TMC4: variants seen among roughly 807,000 people sequenced by gnomAD.
The protein encoded by TMC4 is voltage-gated chloride channel TMC4.
Under a neutral mutation model 82.0 loss-of-function variants are expected in TMC4, and 70 were observed. The ratio of observed to expected loss-of-function variants is 0.85; its 90% CI spans 0.70 to 1.04. The LOEUF (loss-of-function observed/expected upper bound fraction) is 1.04. TMC4 is among the 50% of genes least tolerant of loss of function. The pLI is 0.00. For synonymous variants in TMC4, 446 were observed against 406.0 expected, an observed-to-expected ratio of 1.10 and a Z score of -1.18; for missense variants, 879 against 899.0, an observed-to-expected ratio of 0.98 and a Z score of 0.28.
chr19:54,170,794 A>T (rs1221136080), intron 2 of TMC4, among the ~76,000 whole-genome samples: 1 of 152,132 alleles, frequency 6.6e-6, no homozygotes, highest in Admixed American at 6.5e-5. Flanking sequence ...CACGACACCC[A>T]GCCCTCCAAT....
At position 54,171,083 on chromosome 19, in the gene TMC4, G is replaced by A. The variant is rs570495609; in HGVS notation, c.293+787C>T. Among the ~76,000 whole-genome samples, 6 of 36,388 alleles carry A rather than the reference G, an allele frequency of 1.6e-4. No homozygotes were observed. The South Asian group carries it at 3.4e-3, about 21-fold the overall frequency. 23.9% of individuals were successfully genotyped at this position (36,388 alleles called of 152,430 possible). ...TACACATATATATACATATATATGT[G>A]TATATATATACACACATATGCATAT... On this transcript the variant is annotated intron_variant, in intron 2 of 14. Coordinates refer to ENST00000619895, the MANE Select transcript of TMC4 (RefSeq NM_144686.4).
At chr19:54,164,074 A>G (rs945031658) in intron 7 of TMC4, among the ~76,000 whole-genome samples, 187 bp from the exon 8 acceptor site, 3 of 149,352 alleles carry the variant, frequency 2.0e-5, no homozygotes, top group African/African-American at 7.4e-5. Context: ...TCCCGGGTTC[A>G]AGTGATTCTC....
At position 54,168,784 on chromosome 19, in the gene TMC4, T is replaced by C. The variant is rs1297049512; in HGVS notation, c.443-104A>G. ...AGCCGCGCCTTCCTTTCTTTCTTTC[T>C]TTTCTTTTCTTTCTTTTCTTTTCTT... On this transcript the variant is annotated intron_variant, in intron 3 of 14. Coordinates refer to ENST00000619895, the MANE Select transcript of TMC4 (RefSeq NM_144686.4). 36 of 251,056 alleles carry C rather than the reference T, an allele frequency of 1.4e-4. 3 individuals are homozygous for C. Among genetic ancestry groups the C allele is most frequent in the South Asian group, 2.2e-4 (2 of 9,022 alleles). The allele number at this position is 251,056 out of a possible 1,614,324, so 15.6% of individuals were successfully genotyped here. A position where few individuals can be genotyped will look rare whatever the true frequency, so the allele number is the denominator to read the frequency against.
At chr19:54,167,928 T>A (rs2075744308) in intron 5 of TMC4, among the ~76,000 whole-genome samples, 1 of 151,316 alleles carries the variant, frequency 6.6e-6, no homozygotes, top group Non-Finnish European at 1.5e-5. Flanking sequence ...CTGGGCGTGG[T>A]GGCGGGCGCC....
Position 54,169,641 on chromosome 19 carries a change from C to A in TMC4, c.313G>T (p.Asp105Tyr). 1 of 1,613,844 alleles carries A rather than the reference C, an allele frequency of 6.2e-7. No homozygotes were observed. Among genetic ancestry groups the A allele is most frequent in the Non-Finnish European group, 8.5e-7 (1 of 1,179,970 alleles). ...GTTCCAGAGCCATAGACCACCTGGT[C>A]CCTGCTGGCATTTCTTTGCCTGGGA... Reference protein sequence around the residue: ...RAHRQRNASRDQVVYGSGTKT... With the variant: ...RAHRQRNASRYQVVYGSGTKT... The change falls in exon 3 of 15, where the codon GAC becomes TAC. Residue 105 changes from aspartate (D) to tyrosine (Y), a missense_variant. Asp to Tyr is a radical substitution (Grantham distance 160). Transcript: ENST00000619895.
intron 1 of TMC4, 56 bp downstream of exon 1, chr19:54,172,983 G>A (rs112798904): frequency 6.7e-7 from 1 of 1,500,734 alleles, no homozygotes; most frequent in Non-Finnish European, 9.1e-7. Flanking sequence ...CCTCCAGCAG[G>A]ACTCCCACCT....
intron 1 of TMC4, chr19:54,172,773 A>T: frequency 2.5e-6 from 1 of 406,824 alleles, no homozygotes; most frequent in East Asian, 4.6e-5. Flanking sequence ...GAGTGTGGGA[A>T]CCCAGCCTCT....
intron 1 of TMC4, 50 bp from the exon 2 acceptor site, chr19:54,172,133 C>T: frequency 6.9e-7 from 1 of 1,457,006 alleles, no homozygotes; most frequent in East Asian, 2.7e-5. Context: ...GGCCCTAATT[C>T]CTCCTCCCTC....
chr19:54,164,398 G>C (rs1429910438), intron 7 of TMC4, 36 bp downstream of exon 7: 4 of 1,577,270 alleles, frequency 2.5e-6, no homozygotes, highest in Non-Finnish European at 3.5e-6. Context: ...GTAGGTTCCA[G>C]GACCCCCTGG....
chr19:54,166,909 C>T (rs1400363054), intron 5 of TMC4, among the ~76,000 whole-genome samples: 1 of 151,524 alleles, frequency 6.6e-6, no homozygotes, highest in Non-Finnish European at 1.5e-5. Context: ...GCTGAGATCG[C>T]ACTACTGCAC....
Position 54,173,125 on chromosome 19 carries a change from G to C in TMC4, c.-8C>G, listed in dbSNP as rs755772042. On this transcript the variant is annotated 5_prime_UTR_variant, in exon 1 of 15. Coordinates refer to ENST00000619895, the MANE Select transcript of TMC4 (RefSeq NM_144686.4). ...GGTCGGGTTTTCTTCCATGGCCCCA[G>C]GCTGGGCTGTCTCTAGTGGCCACCA... 16 of 1,613,342 alleles carry C rather than the reference G, an allele frequency of 9.9e-6. No individual in the cohort carries two copies. Among genetic ancestry groups the C allele is most frequent in the African/African-American group, 1.3e-5 (1 of 74,808 alleles).
chr19:54,160,594 A>G (rs200897049), intron 13 of TMC4, 49 bp from the exon 14 acceptor site: 285 of 1,613,154 alleles, frequency 1.8e-4, no homozygotes, highest in Middle Eastern at 4.9e-4. Flanking sequence ...CTTCCATTAT[A>G]TCCAAACGTC....
chr19:54,168,649 G>A lies in TMC4; in HGVS notation c.474C>T (p.Phe158=). 1 of 1,575,814 alleles carries A rather than the reference G, an allele frequency of 6.3e-7. No homozygotes were observed. Among genetic ancestry groups the A allele is most frequent in the Non-Finnish European group, 8.6e-7 (1 of 1,160,572 alleles). The change falls in exon 4 of 15, where the codon TTC becomes TTT. Residue 158 remains phenylalanine (F), a synonymous_variant. Coordinates refer to ENST00000619895, the MANE Select transcript of TMC4 (RefSeq NM_144686.4). ...GAAGGAGCAGGAAGCGCAGCAGGGAGAAGTAGGACTCCGTGCCGGCGCCAA... is the reference window on the plus strand; with the variant it reads ...GAAGGAGCAGGAAGCGCAGCAGGGAAAAGTAGGACTCCGTGCCGGCGCCAA... ...GQFGAGTESY[F]SLLRFLLLLN... is the part of the protein sequence containing the mutation.
intron 10 of TMC4, 43 bp downstream of exon 10, chr19:54,162,630 C>G (rs368914780): frequency 8.6e-6 from 13 of 1,506,072 alleles, no homozygotes; most frequent in Non-Finnish European, 1.2e-5. Flanking sequence ...GGCACGGCCT[C>G]GTCCTAGAGG....
Position 54,172,645 on chromosome 19 carries a change from G to A in TMC4, c.79+394C>T, listed in dbSNP as rs77486722. The A allele has an allele frequency of 4.6e-3, 1,291 of 279,034 alleles. 37 individuals carry two copies. The East Asian group carries it at 0.054, about 12-fold the overall frequency. The allele number at this position is 279,034 out of a possible 1,614,324, so 17.3% of individuals were successfully genotyped here. ...CTCAGGCCCAGGAGTCCGGGTGCCA[G>A]CCTCTACTTCCCCTGGACCCAGGGG... On this transcript the variant is annotated intron_variant, in intron 1 of 14. Transcript: ENST00000619895.
intron 8 of TMC4, 103 bp downstream of exon 8, chr19:54,163,621 G>A (rs911954222): frequency 1.4e-6 from 2 of 1,380,242 alleles, no homozygotes; most frequent in South Asian, 2.3e-5. Context: ...TGAATCCCTG[G>A]ATTCGGTATC....
At chr19:54,170,121 A>G (rs2075848918) in intron 2 of TMC4, among the ~76,000 whole-genome samples, 1 of 152,040 alleles carries the variant, frequency 6.6e-6, no homozygotes, top group Admixed American at 6.6e-5. Context: ...GAAAGAAAAG[A>G]AAGAAACCTA....
chr19:54,165,976 G>T (rs539492872), intron 5 of TMC4, among the ~76,000 whole-genome samples: 10 of 152,200 alleles, frequency 6.6e-5, no homozygotes, highest in Non-Finnish European at 1.0e-4. Flanking sequence ...ATCTACAAAA[G>T]ATGGGGGTCA....
intron 2 of TMC4, 54 bp from the exon 3 acceptor site, chr19:54,169,714 C>T: frequency 6.3e-7 from 1 of 1,599,228 alleles, no homozygotes; most frequent in Non-Finnish European, 8.5e-7. Context: ...GACTGGGAAC[C>T]ATCTGAATGT....
Sources: allele counts gnomAD v4.1 joint callset (sites outside exome capture counted in the v4.1 genomes callset), GRCh38; gene constraint gnomAD v4.1.1; transcripts MANE v1.5; gene names NCBI Gene and HGNC (gene_info 2026-07-23, HGNC 2026-07-21).